Variants in RGS7 observed in about 807,000 individuals in gnomAD.
RGS7 encodes regulator of G protein signaling 7.
A neutral mutation model predicts 81.1 loss-of-function variants in RGS7; 27 were observed. The ratio of observed to expected loss-of-function variants is 0.33; its 90% CI spans 0.25 to 0.46. The LOEUF is 0.46. Among genes scored for constraint, RGS7 ranks in the 20% least tolerant of loss-of-function variants. The pLI is 1.00. For missense variants in RGS7, 396 were observed against 607.4 expected, an observed-to-expected ratio of 0.65 and a Z score of 3.66; for synonymous variants, 208 against 207.7, an observed-to-expected ratio of 1.00 and a Z score of -0.01.
In RGS7 at chr1:241,027,396, G is replaced by T. The variant is rs79641841; in HGVS notation, c.176-44267C>A. On this transcript the variant is annotated intron_variant, in intron 3 of 18. Transcript: ENST00000440928. ...GTTTTAATTCTAACTGCAGTAGGAAGTTGGTGAGTGATCTTAAGTAGGGGA... is the reference window on the plus strand; with the variant it reads ...GTTTTAATTCTAACTGCAGTAGGAATTTGGTGAGTGATCTTAAGTAGGGGA... 2.9e-3 allele frequency among the ~76,000 whole-genome samples: 446 copies of T among 152,236 alleles called. 1 individual carries two copies. Among genetic ancestry groups the T allele is most frequent in the Non-Finnish European group, 4.5e-3 (305 of 68,016 alleles).
At chr1:240,793,426 T>C (rs956598889) in intron 18 of RGS7, among the ~76,000 whole-genome samples, 3 of 151,870 alleles carry the variant, frequency 2.0e-5, no homozygotes, top group African/African-American at 7.3e-5. Context: ...ATCTGCCAAC[T>C]ACAAAATGAC....
At chr1:240,788,245 TA>T (rs1351114477) in intron 18 of RGS7, among the ~76,000 whole-genome samples, 1 of 152,258 alleles carries the variant, frequency 6.6e-6, no homozygotes, top group Non-Finnish European at 1.5e-5. Flanking sequence ...ATAAAGTACT[TA>T]AATGCAGTAT....
chr1:241,173,510 C>T (rs1572985489), intron 2 of RGS7, among the ~76,000 whole-genome samples: 1 of 152,158 alleles, frequency 6.6e-6, no homozygotes, highest in Admixed American at 6.5e-5. Context: ...ACCTGCCAAA[C>T]ACGGTGGCTC....
At chr1:241,008,452 C>G (rs927586482) in intron 3 of RGS7, among the ~76,000 whole-genome samples, 1 of 152,162 alleles carries the variant, frequency 6.6e-6, no homozygotes, top group Non-Finnish European at 1.5e-5. Context: ...TTTTAACAAG[C>G]TCCCGGGTAA....
At chr1:241,211,714 C>T (rs2074253469) in intron 2 of RGS7, among the ~76,000 whole-genome samples, 2 of 152,160 alleles carry the variant, frequency 1.3e-5, no homozygotes, top group African/African-American at 2.4e-5. Flanking sequence ...TTTCATCAAG[C>T]TTAAAAAACA....
At chr1:240,879,767 C>G (rs1175806233) in intron 6 of RGS7, among the ~76,000 whole-genome samples, 2 of 152,180 alleles carry the variant, frequency 1.3e-5, no homozygotes, top group African/African-American at 4.8e-5. Flanking sequence ...ATTAGCATAT[C>G]TTCACTCCCT....
chr1:241,008,050 C>T (rs1226029503), intron 3 of RGS7, among the ~76,000 whole-genome samples: 1 of 152,162 alleles, frequency 6.6e-6, no homozygotes, highest in Non-Finnish European at 1.5e-5. Context: ...TTTTCTGCCT[C>T]CACACCTCAA....
chr1:241,168,368 ATACT>A (rs1281357603), intron 2 of RGS7, among the ~76,000 whole-genome samples: 4 of 152,338 alleles, frequency 2.6e-5, no homozygotes, highest in African/African-American at 9.6e-5. Context: ...AATACAAGTG[ATACT>A]TATTTTTATC....
intron 3 of RGS7, among the ~76,000 whole-genome samples, chr1:241,062,204 T>C (rs1553405451): frequency 6.6e-6 from 1 of 152,206 alleles, no homozygotes; most frequent in Non-Finnish European, 1.5e-5. Context: ...TGTGTATTCA[T>C]AAATATTTAT....
chr1:241,162,074 C>T (rs1463689011), intron 2 of RGS7, among the ~76,000 whole-genome samples: 1 of 152,010 alleles, frequency 6.6e-6, no homozygotes, highest in African/African-American at 2.4e-5. Flanking sequence ...AGGAGAGGAC[C>T]CCCAACCCCT....
At chr1:240,956,175 C>T (rs1680382436) in intron 4 of RGS7, among the ~76,000 whole-genome samples, 2 of 152,194 alleles carry the variant, frequency 1.3e-5, no homozygotes, top group South Asian at 4.1e-4. Flanking sequence ...CACACACTCT[C>T]TACCTTTGGC....
At chr1:240,852,277 C>T (rs1211275763) in intron 9 of RGS7, among the ~76,000 whole-genome samples, 1 of 152,162 alleles carries the variant, frequency 6.6e-6, no homozygotes, top group Non-Finnish European at 1.5e-5. Context: ...TTGCTAAAGG[C>T]TCAGATGATT....
Position 241,279,765 on chromosome 1 carries a change from T to C in RGS7, c.78+75934A>G, listed in dbSNP as rs2078403081. On this transcript the variant is annotated intron_variant, in intron 2 of 18. Coordinates refer to ENST00000440928, the MANE Select transcript of RGS7 (RefSeq NM_001364886.1). ...AAACCACTAATCTGCTTTCTGTTTC[T>C]ATAATTTTGAAATTTCAGGAATTTT... 2.0e-5 allele frequency among the ~76,000 whole-genome samples: 3 copies of C among 152,246 alleles called. No homozygotes were observed. The South Asian group carries it at 6.2e-4, about 32-fold the overall frequency.
In RGS7 at chr1:240,799,536, C is replaced by T. The variant is rs1300092110; in HGVS notation, c.*6+1105G>A. Among the ~76,000 whole-genome samples, 6 of 152,112 alleles carry T rather than the reference C, an allele frequency of 3.9e-5. No individual in the cohort carries two copies. In the South Asian group the frequency reaches 1.0e-3, roughly 26 times the overall value. ...TGTACATCCTAACATTTTGTCTATA[C>T]CATTGGGTACCTTTGAGATCAAGCT... On this transcript the variant is annotated intron_variant, in intron 18 of 18. Transcript: ENST00000440928.
chr1:241,227,872 AGGT>A (rs1457041624), intron 2 of RGS7, among the ~76,000 whole-genome samples: 1 of 152,160 alleles, frequency 6.6e-6, no homozygotes, highest in East Asian at 1.9e-4. Context: ...TGTTTTCTGA[AGGT>A]AGGTGTTCCC....
chr1:240,927,868 T>C (rs1003295540), intron 6 of RGS7, among the ~76,000 whole-genome samples: 37 of 152,254 alleles, frequency 2.4e-4, no homozygotes, highest in Non-Finnish European at 4.7e-4. Context: ...GGGGAGAAAG[T>C]GTAGGAGATG....
At chr1:240,881,639 G>T (rs1213737807) in intron 6 of RGS7, among the ~76,000 whole-genome samples, 3 of 152,074 alleles carry the variant, frequency 2.0e-5, no homozygotes, top group African/African-American at 7.2e-5. Flanking sequence ...AAAAGTTAAA[G>T]AATAATTTGG....
At chr1:241,007,732 T>C (rs2058743333) in intron 3 of RGS7, among the ~76,000 whole-genome samples, 1 of 151,976 alleles carries the variant, frequency 6.6e-6, no homozygotes, top group Non-Finnish European at 1.5e-5. Context: ...TTGAAGGAAG[T>C]GGTGAGAAGT....
chr1:241,161,496 ATAT>A (rs201435120), intron 2 of RGS7, among the ~76,000 whole-genome samples: 10,059 of 148,670 alleles, frequency 0.068, 625 homozygotes, highest in East Asian at 0.15. Flanking sequence ...TATAATAATT[ATAT>A]TATTATAACT....
Sources: allele counts gnomAD v4.1 joint callset (sites outside exome capture counted in the v4.1 genomes callset), GRCh38; gene constraint gnomAD v4.1.1; transcripts MANE v1.5; gene names NCBI Gene and HGNC (gene_info 2026-07-23, HGNC 2026-07-21).